The following PTPRG variants were observed in gnomAD, a reference collection of about 807,000 sequenced individuals.
PTPRG encodes receptor-type tyrosine-protein phosphatase gamma.
A neutral mutation model predicts 165.3 loss-of-function variants in PTPRG; 102 were observed. The ratio of observed to expected loss-of-function variants is 0.62; its 90% CI spans 0.53 to 0.73. PTPRG has a LOEUF of 0.73. Ranked by LOEUF, PTPRG falls within the 30% of genes least tolerant of loss-of-function variation. The pLI, the probability that PTPRG is intolerant of heterozygous loss-of-function variation, is 0.00. For synonymous variants in PTPRG, 675 were observed against 669.5 expected, an observed-to-expected ratio of 1.01 and a Z score of -0.13; for missense variants, 1,866 against 1,861.4, an observed-to-expected ratio of 1.00 and a Z score of -0.05.
chr3:62,113,465 G>T (rs181130766), intron 5 of PTPRG, among the ~76,000 whole-genome samples: 5 of 152,142 alleles, frequency 3.3e-5, no homozygotes, highest in Admixed American at 2.0e-4. Flanking sequence ...TGCCGAATTT[G>T]ATATATACAC....
chr3:61,794,245 G>T lies in PTPRG; in HGVS notation c.190+45263G>T, dbSNP rs371372929. On this transcript the variant is annotated intron_variant, in intron 2 of 29. Transcript: ENST00000474889. ...GTATAATTATTATGGACTTGTGTGT[G>T]GGGGGTATCTTTTTCTTAAGGATGT... is the stretch of plus-strand genomic sequence containing the variant. Among the ~76,000 whole-genome samples, 13 of 151,990 alleles carry T rather than the reference G, an allele frequency of 8.6e-5. No homozygotes were observed. In the East Asian group the frequency reaches 2.3e-3, roughly 27 times the overall value.
intron 1 of PTPRG, among the ~76,000 whole-genome samples, chr3:61,714,928 T>C (rs537754080): frequency 6.6e-6 from 1 of 152,346 alleles, no homozygotes; most frequent in African/African-American, 2.4e-5. Flanking sequence ...TCTTTTTCTT[T>C]GCAAGAGTCA....
At chr3:61,598,301 G>A (rs1286223559) in intron 1 of PTPRG, among the ~76,000 whole-genome samples, 1 of 152,060 alleles carries the variant, frequency 6.6e-6, no homozygotes, top group Non-Finnish European at 1.5e-5. Context: ...TATTCACCAC[G>A]GGAAGAAAAG....
At chr3:62,159,050 C>G (rs748821622) in intron 7 of PTPRG, among the ~76,000 whole-genome samples, 1 of 151,898 alleles carries the variant, frequency 6.6e-6, no homozygotes, top group Non-Finnish European at 1.5e-5. Flanking sequence ...AGGTTTACGG[C>G]TCAGTGGCTC....
chr3:62,185,230 C>T (rs767593567), intron 8 of PTPRG, among the ~76,000 whole-genome samples: 20 of 152,130 alleles, frequency 1.3e-4, no homozygotes, highest in African/African-American at 2.7e-4. Context: ...GAGAAGCAAT[C>T]GGACCCCAGT....
intron 2 of PTPRG, among the ~76,000 whole-genome samples, chr3:61,975,982 A>C (rs1038956416): frequency 6.6e-6 from 1 of 152,164 alleles, no homozygotes. Flanking sequence ...TTGGATTACA[A>C]AGGTGAAGTT....
chr3:62,281,518 C>A, intron 26 of PTPRG, 45 bp from the exon 27 acceptor site: 2 of 1,056,118 alleles, frequency 1.9e-6, no homozygotes, highest in African/African-American at 2.2e-5. Flanking sequence ...GAAAACAAAT[C>A]CTTGACAGAA....
chr3:61,874,247 G>C (rs1348089342), intron 2 of PTPRG, among the ~76,000 whole-genome samples: 1 of 151,952 alleles, frequency 6.6e-6, no homozygotes, highest in East Asian at 1.9e-4. Flanking sequence ...GAGACTTTAG[G>C]GTGGCCTAAA....
intron 5 of PTPRG, among the ~76,000 whole-genome samples, chr3:62,103,690 G>C (rs1323321024): frequency 6.6e-6 from 1 of 152,210 alleles, no homozygotes; most frequent in Non-Finnish European, 1.5e-5. Context: ...CCAGGTGGCA[G>C]AGTATCTGTG....
chr3:62,201,190 T>G (rs1422158911), intron 10 of PTPRG, among the ~76,000 whole-genome samples: 1 of 152,238 alleles, frequency 6.6e-6, no homozygotes, highest in Non-Finnish European at 1.5e-5. Context: ...CTATATTTTA[T>G]GCATTTTACC....
At chr3:61,900,242 C>T (rs891460119) in intron 2 of PTPRG, among the ~76,000 whole-genome samples, 1 of 151,954 alleles carries the variant, frequency 6.6e-6, no homozygotes, top group Non-Finnish European at 1.5e-5. Context: ...ATAATGCTGA[C>T]GCTAACCTCT....
chr3:61,887,170 A>ATATTTTT (rs60282456), intron 2 of PTPRG, among the ~76,000 whole-genome samples: 1 of 115,524 alleles, frequency 8.7e-6, no homozygotes, highest in Non-Finnish European at 1.8e-5. Context: ...ATATATATAT[A>ATATTTTT]TTTTTAATGC....
At chr3:62,020,740 G>T (rs1341784928) in intron 4 of PTPRG, among the ~76,000 whole-genome samples, 1 of 151,978 alleles carries the variant, frequency 6.6e-6, no homozygotes, top group African/African-American at 2.4e-5. Context: ...TTTGAGGCAG[G>T]GTCTTGCTCT....
intron 28 of PTPRG, 135 bp downstream of exon 28, chr3:62,283,004 A>G (rs1702511947): frequency 2.6e-6 from 2 of 757,248 alleles, no homozygotes; most frequent in Non-Finnish European, 4.3e-6. Context: ...TGTTATTTCT[A>G]CTGTGGACAT....
chr3:61,564,195 A>G (rs1699846706), intron 1 of PTPRG, among the ~76,000 whole-genome samples: 2 of 152,166 alleles, frequency 1.3e-5, no homozygotes, highest in Admixed American at 6.5e-5. Flanking sequence ...TCTCCTTTCT[A>G]GTCTCCCCTG....
chr3:62,233,803 C>T lies in PTPRG; in HGVS notation c.2375+2492C>T, dbSNP rs1700961655. On this transcript the variant is annotated intron_variant, in intron 14 of 29. Transcript: ENST00000474889. The surrounding 1 kb of genome is among the most constrained non-coding windows in gnomAD (Gnocchi z 4.7). ...AACAGCTGTGAGAGGTGATTATCCT[C>T]CCAGAAAGGAGAGGAAAAAAACATT... Among the ~76,000 whole-genome samples the T allele has an allele frequency of 6.6e-6, 1 of 152,116 alleles. No individual in the cohort carries two copies. The highest frequency in any genetic ancestry group is 2.4e-5 in the African/African-American group (1 of 41,404).
chr3:61,905,478 G>A (rs1434409497), intron 2 of PTPRG, among the ~76,000 whole-genome samples: 1 of 152,076 alleles, frequency 6.6e-6, no homozygotes, highest in African/African-American at 2.4e-5. Context: ...AAAACTTCAT[G>A]TGCTGTATTG....
intron 5 of PTPRG, among the ~76,000 whole-genome samples, chr3:62,096,359 G>A (rs1027705373): frequency 6.6e-6 from 1 of 152,052 alleles, no homozygotes; most frequent in African/African-American, 2.4e-5. Flanking sequence ...CACTGTTATT[G>A]TTTTGATACT....
At chr3:62,100,959 A>T (rs763389670) in intron 5 of PTPRG, among the ~76,000 whole-genome samples, 1 of 152,190 alleles carries the variant, frequency 6.6e-6, no homozygotes, top group Non-Finnish European at 1.5e-5. Context: ...TATTCTTTAA[A>T]GTATAATTTG....
Sources: allele counts gnomAD v4.1 joint callset (sites outside exome capture counted in the v4.1 genomes callset), GRCh38; gene constraint gnomAD v4.1.1; non-coding constraint Gnocchi (gnomAD v3.1); transcripts MANE v1.5; gene names NCBI Gene and HGNC (gene_info 2026-07-23, HGNC 2026-07-21).